The following RUBCN variants were observed in gnomAD, a reference collection of about 807,000 sequenced individuals.
The protein encoded by RUBCN is run domain Beclin-1-interacting and cysteine-rich domain-containing protein.
In RUBCN, 74 loss-of-function variants were observed where a neutral mutation model predicts 113.2. That is an observed-to-expected ratio of 0.65 (90% CI 0.54 to 0.79). The LOEUF (loss-of-function observed/expected upper bound fraction) is 0.79, where lower values mean the gene tolerates loss of function less well. Ranked by LOEUF, RUBCN falls within the 30% of genes least tolerant of loss-of-function variation. The pLI is 0.00. For synonymous variants in RUBCN, 480 were observed against 490.0 expected (o/e 0.98, Z 0.27); for missense variants, 1,109 against 1,251.7 (o/e 0.89, Z 1.72).
In RUBCN at chr3:197,736,839, G is replaced by A; in HGVS notation, c.-120C>T. 2.1e-6 allele frequency: 3 copies of A among 1,395,932 alleles called. No homozygotes were observed. Among genetic ancestry groups the A allele is most frequent in the African/African-American group, 1.5e-5 (1 of 65,284 alleles). 86.5% of individuals were successfully genotyped at this position (1,395,932 alleles called of 1,614,324 possible). On this transcript the variant is annotated 5_prime_UTR_variant, in exon 1 of 20. Transcript: ENST00000296343. ...CTGCGGCCGGTGGGCTCCGGGTGAT[G>A]CGCTACACCCGGGCGGCGACAGCGG... is the stretch of plus-strand genomic sequence containing the variant.
In RUBCN at chr3:197,681,472, G is replaced by A; in HGVS notation, c.2192-105C>T. 1.2e-6 allele frequency: 1 copy of A among 842,916 alleles called. No homozygotes were observed. 52.2% of individuals were successfully genotyped at this position (842,916 alleles called of 1,614,324 possible). A position where few individuals can be genotyped will look rare whatever the true frequency, so the allele number is the denominator to read the frequency against. On this transcript the variant is annotated intron_variant, in intron 15 of 19. Coordinates refer to ENST00000296343, the MANE Select transcript of RUBCN (RefSeq NM_014687.4). The surrounding 1 kb of genome is among the most constrained non-coding windows in gnomAD (Gnocchi z 5.5). Reference sequence around the variant, plus strand: ...AAAGGGCAGAGAGGGACAGCCAATGGCCTCCAGCAACCTCTGTCTGAGTTC... The same window carrying A: ...AAAGGGCAGAGAGGGACAGCCAATGACCTCCAGCAACCTCTGTCTGAGTTC...
At chr3:197,722,806 T>C (rs1322351650) in intron 1 of RUBCN, among the ~76,000 whole-genome samples, 2 of 152,146 alleles carry the variant, frequency 1.3e-5, no homozygotes, top group African/African-American at 4.8e-5. Flanking sequence ...TCCATTTGCA[T>C]AGAGCATCTT....
chr3:197,720,847 C>T (rs1303396335), intron 1 of RUBCN, among the ~76,000 whole-genome samples: 1 of 152,140 alleles, frequency 6.6e-6, no homozygotes, highest in Non-Finnish European at 1.5e-5. Context: ...CTTGATCACA[C>T]AGTAGTTCTA....
At chr3:197,743,809 C>A (rs1728623568) in intron 1 of RUBCN, among the ~76,000 whole-genome samples, 1 of 152,050 alleles carries the variant, frequency 6.6e-6, no homozygotes, top group African/African-American at 2.4e-5. Context: ...CATGGTGAAA[C>A]CCCGTCTCTA....
intron 2 of RUBCN, among the ~76,000 whole-genome samples, chr3:197,710,653 C>T (rs181470243): frequency 6.6e-6 from 1 of 150,600 alleles, no homozygotes; most frequent in East Asian, 1.9e-4. Flanking sequence ...AAAATATTTG[C>T]AACTCCCATT....
At chr3:197,742,306 A>G (rs1327099042) in intron 1 of RUBCN, among the ~76,000 whole-genome samples, 4 of 152,292 alleles carry the variant, frequency 2.6e-5, no homozygotes, top group African/African-American at 7.2e-5. Flanking sequence ...CAGCCTGGCC[A>G]GCATGGTGAA....
chr3:197,717,822 G>A (rs944449893), intron 2 of RUBCN, among the ~76,000 whole-genome samples, 155 bp downstream of exon 2: 1 of 152,194 alleles, frequency 6.6e-6, no homozygotes, highest in African/African-American at 2.4e-5. Context: ...CATCAGACAC[G>A]ATGTGAAACG....
intron 11 of RUBCN, among the ~76,000 whole-genome samples, 176 bp downstream of exon 11, chr3:197,693,539 G>A (rs1385584832): frequency 7.9e-5 from 12 of 152,176 alleles, no homozygotes; most frequent in Admixed American, 7.9e-4. Context: ...TGCTTCCAGT[G>A]TTCTTCCCTA....
chr3:197,719,875 G>A (rs557136362), intron 1 of RUBCN, among the ~76,000 whole-genome samples: 8 of 152,172 alleles, frequency 5.3e-5, no homozygotes, highest in Non-Finnish European at 8.8e-5. Context: ...TGCATTGATC[G>A]CAACAAAGTA....
chr3:197,678,742 T>C (rs1198669345), intron 16 of RUBCN, among the ~76,000 whole-genome samples: 5 of 147,020 alleles, frequency 3.4e-5, no homozygotes, highest in Non-Finnish European at 7.5e-5. Context: ...TCCTACGCTC[T>C]AACTGACAAC....
chr3:197,692,696 T>G (rs915199234), intron 11 of RUBCN, among the ~76,000 whole-genome samples: 5 of 152,170 alleles, frequency 3.3e-5, no homozygotes, highest in Admixed American at 2.0e-4. Flanking sequence ...TACCTATTGT[T>G]GTCATACATA....
At chr3:197,687,022 G>A (rs1306653390) in intron 11 of RUBCN, among the ~76,000 whole-genome samples, 1 of 152,222 alleles carries the variant, frequency 6.6e-6, no homozygotes, top group Non-Finnish European at 1.5e-5. Context: ...GATCAGAGAA[G>A]AGCTGGTTAA....
In RUBCN at chr3:197,675,202, C is replaced by T. The variant is rs769341785; in HGVS notation, c.2741-6G>A. ...ATGGTAACACGCTTTACACTCTACT[C>T]AGGTTGGGAAGGTGGGGGAGAGAAG... On this transcript the variant is annotated splice_polypyrimidine_tract_variant and splice_region_variant and intron_variant, in intron 19 of 19. Transcript: ENST00000296343. This position sits in a 1 kb window ranked among gnomAD's most constrained non-coding sequence, Gnocchi z 4.4. The T allele has an allele frequency of 6.2e-7, 1 of 1,614,078 alleles. No homozygotes were observed. The highest frequency in any genetic ancestry group is 1.1e-5 in the South Asian group (1 of 91,084).
intron 4 of RUBCN, among the ~76,000 whole-genome samples, chr3:197,704,151 C>CTA (rs1724018271): frequency 6.6e-6 from 1 of 152,126 alleles, no homozygotes; most frequent in South Asian, 2.1e-4. Context: ...AAACAGGAGG[C>CTA]CCTGCCGGGC....
At chr3:197,700,094 C>T (rs1345613807) in intron 7 of RUBCN, among the ~76,000 whole-genome samples, 1 of 152,196 alleles carries the variant, frequency 6.6e-6, no homozygotes, top group Non-Finnish European at 1.5e-5. Flanking sequence ...ATCTGACGGC[C>T]TCTCACCCTG....
intron 2 of RUBCN, among the ~76,000 whole-genome samples, chr3:197,713,956 G>T (rs1725238007): frequency 6.6e-6 from 1 of 151,894 alleles, no homozygotes. Context: ...GGGCGCTGTA[G>T]TCCCAGCTAC....
rs569411501 is a variant in RUBCN, at chr3:197,669,825, C to G, written c.*5193G>C. Among the ~76,000 whole-genome samples, 1 of 152,310 alleles carries G rather than the reference C, an allele frequency of 6.6e-6. No homozygotes were observed. Among genetic ancestry groups the G allele is most frequent in the Admixed American group, 6.5e-5 (1 of 15,298 alleles). Reference sequence around the variant, plus strand: ...GACTAATAAATATATATTTGACATACACTTTTTCTAACTTCTTCTCACATA... The same window carrying G: ...GACTAATAAATATATATTTGACATAGACTTTTTCTAACTTCTTCTCACATA... On this transcript the variant is annotated 3_prime_UTR_variant, in exon 20 of 20. Coordinates refer to ENST00000296343, the MANE Select transcript of RUBCN (RefSeq NM_014687.4).
At position 197,715,290 on chromosome 3, in the gene RUBCN, GA is replaced by G. The variant is rs35511002; in HGVS notation, c.219+2686del. Among the ~76,000 whole-genome samples the G allele has an allele frequency of 2.7e-3, 281 of 102,776 alleles. 1 individual carries two copies. The highest frequency in any genetic ancestry group is 7.8e-3 in the African/African-American group (193 of 24,594). 67.4% of individuals were successfully genotyped at this position (102,776 alleles called of 152,430 possible). A position where few individuals can be genotyped will look rare whatever the true frequency, so the allele number is the denominator to read the frequency against. On this transcript the variant is annotated intron_variant, in intron 2 of 19. Coordinates refer to ENST00000296343, the MANE Select transcript of RUBCN (RefSeq NM_014687.4). The stretch of plus-strand genomic sequence containing the variant: ...GGCAACAAGAGCGAAACTCTATCTT[GA>G]AAAAAAAAAAAAAAGAAAAAGAAAA...
chr3:197,716,289 G>A (rs948575471), intron 2 of RUBCN, among the ~76,000 whole-genome samples: 14 of 152,126 alleles, frequency 9.2e-5, no homozygotes, highest in Admixed American at 2.6e-4. Flanking sequence ...CACCACGCCC[G>A]GCTAATTTTT....
Sources: allele counts gnomAD v4.1 joint callset (sites outside exome capture counted in the v4.1 genomes callset), GRCh38; gene constraint gnomAD v4.1.1; non-coding constraint Gnocchi (gnomAD v3.1); transcripts MANE v1.5; gene names NCBI Gene and HGNC (gene_info 2026-07-23, HGNC 2026-07-21).